Variants in SYNDIG1 observed in about 807,000 individuals in gnomAD.
SYNDIG1 encodes synapse differentiation inducing 1, also known as synapse differentiation-inducing gene protein 1.
Under a neutral mutation model 19.4 loss-of-function variants are expected in SYNDIG1, and 9 were observed. That is an observed-to-expected ratio of 0.46 (90% CI 0.28 to 0.81). SYNDIG1 has a LOEUF of 0.81. Ranked by LOEUF, SYNDIG1 falls within the 30% of genes least tolerant of loss-of-function variation. The probability of loss-of-function intolerance (pLI) is 0.12; values close to 1 mark genes in which losing one functional copy is unlikely to be tolerated. For synonymous variants in SYNDIG1, 141 were observed against 145.9 expected, an observed-to-expected ratio of 0.97 and a Z score of 0.24; for missense variants, 311 against 343.3, an observed-to-expected ratio of 0.91 and a Z score of 0.74.
intron 1 of SYNDIG1, among the ~76,000 whole-genome samples, chr20:24,488,892 G>A (rs191582285): frequency 5.3e-5 from 8 of 152,256 alleles, no homozygotes; most frequent in Admixed American, 2.6e-4. Flanking sequence ...GACACGCCTC[G>A]CTCCACAGCT....
chr20:24,585,056 G>GGCCCCCC, intron 3 of SYNDIG1, 63 bp downstream of exon 3: 4 of 545,652 alleles, frequency 7.3e-6, no homozygotes, highest in South Asian at 1.5e-5. Context: ...GGTGGGGGCG[G>GGCCCCCC]CAATCCCAGC....
intron 3 of SYNDIG1, among the ~76,000 whole-genome samples, chr20:24,643,353 C>A (rs1057434197): frequency 6.6e-5 from 10 of 152,122 alleles, no homozygotes; most frequent in Admixed American, 2.6e-4. Flanking sequence ...TGAGAAGTAA[C>A]TTTATCAGCT....
chr20:24,605,153 C>T (rs544317575), intron 3 of SYNDIG1, among the ~76,000 whole-genome samples: 14 of 152,162 alleles, frequency 9.2e-5, no homozygotes, highest in South Asian at 2.1e-4. Flanking sequence ...GATGGAGCCA[C>T]GCAGAAAGAA....
At chr20:24,580,940 C>T (rs753106737) in intron 2 of SYNDIG1, among the ~76,000 whole-genome samples, 3 of 152,166 alleles carry the variant, frequency 2.0e-5, no homozygotes, top group African/African-American at 4.8e-5. Context: ...TCCGGGTCAA[C>T]GGTTCCCCAA....
intron 1 of SYNDIG1, among the ~76,000 whole-genome samples, chr20:24,510,581 A>G (rs983453184): frequency 1.3e-5 from 2 of 151,910 alleles, no homozygotes; most frequent in Non-Finnish European, 2.9e-5. Flanking sequence ...AAAAAAAAAA[A>G]AAAAGAAAAG....
intron 1 of SYNDIG1, among the ~76,000 whole-genome samples, chr20:24,521,745 A>G (rs2057008658): frequency 6.6e-6 from 1 of 151,784 alleles, no homozygotes; most frequent in Non-Finnish European, 1.5e-5. Context: ...TAAAAATACA[A>G]AAAAATTAGC....
At chr20:24,576,619 G>C (rs772984170) in intron 2 of SYNDIG1, among the ~76,000 whole-genome samples, 1 of 152,176 alleles carries the variant, frequency 6.6e-6, no homozygotes, top group Non-Finnish European at 1.5e-5. Flanking sequence ...AGCACTTGGC[G>C]CTGACGGGAA....
intron 1 of SYNDIG1, among the ~76,000 whole-genome samples, chr20:24,522,863 G>A (rs2057034059): frequency 6.6e-6 from 1 of 152,192 alleles, no homozygotes; most frequent in African/African-American, 2.4e-5. Context: ...GCAAGAGAGA[G>A]ATGTCAGGGT....
chr20:24,552,268 C>A (rs1674019382), intron 2 of SYNDIG1, among the ~76,000 whole-genome samples: 1 of 152,096 alleles, frequency 6.6e-6, no homozygotes, highest in African/African-American at 2.4e-5. Context: ...CACAGAAAGC[C>A]AATCACTGAG....
chr20:24,617,647 C>T lies in SYNDIG1; in HGVS notation c.618+32654C>T, dbSNP rs1333763950. On this transcript the variant is annotated intron_variant, in intron 3 of 3. Transcript: ENST00000376862. ...AAAGCCCGGGGGTGCATTTTGTCCT[C>T]TGAGATTTACCACAAGGAAGCCCCC... is the stretch of plus-strand genomic sequence containing the variant. 2.6e-5 allele frequency among the ~76,000 whole-genome samples: 4 copies of T among 152,112 alleles called. No homozygotes were observed. The East Asian group carries it at 7.8e-4, about 30-fold the overall frequency.
At chr20:24,571,876 G>C (rs2058150301) in intron 2 of SYNDIG1, among the ~76,000 whole-genome samples, 1 of 152,136 alleles carries the variant, frequency 6.6e-6, no homozygotes, top group African/African-American at 2.4e-5. Context: ...ACTTACATTT[G>C]TTTTATCTGA....
intron 2 of SYNDIG1, among the ~76,000 whole-genome samples, chr20:24,575,387 C>T (rs1352564768): frequency 6.6e-6 from 1 of 152,168 alleles, no homozygotes. Flanking sequence ...TCATTTATTC[C>T]CAGAGAGTCT....
chr20:24,654,998 A>G (rs908622575), intron 3 of SYNDIG1, among the ~76,000 whole-genome samples: 5 of 152,188 alleles, frequency 3.3e-5, no homozygotes, highest in African/African-American at 9.7e-5. Flanking sequence ...CCACCCACGC[A>G]TGATGTTCCG....
At position 24,573,807 on chromosome 20, in the gene SYNDIG1, C is replaced by A. The variant is rs145538777; in HGVS notation, c.481-11049C>A. 7.1e-3 allele frequency among the ~76,000 whole-genome samples: 1,080 copies of A among 152,302 alleles called. 15 individuals carry two copies. Among genetic ancestry groups the A allele is most frequent in the African/African-American group, 0.024 (1,004 of 41,576 alleles). On this transcript the variant is annotated intron_variant, in intron 2 of 3. Transcript: ENST00000376862. ...GGTCGTGTTCCACATAGGGCTGCCC[C>A]AGGGCAGTAATGGGGGTATCCAGCA...
Position 24,584,859 on chromosome 20 carries a change from G to A in SYNDIG1, c.484G>A (p.Asp162Asn), listed in dbSNP as rs760987356. Reference protein sequence around the residue: ...EEEEFQELESDYSSDTESEDN... With the variant: ...EEEEFQELESNYSSDTESEDN... ...TCCTGCTGGTTCTCTCTTGCAGAGCGACTACTCAAGCGACACAGAGAGTGA... is the reference window on the plus strand; with the variant it reads ...TCCTGCTGGTTCTCTCTTGCAGAGCAACTACTCAAGCGACACAGAGAGTGA... The change falls in exon 3 of 4, where the codon GAC becomes AAC. Residue 162 changes from aspartate (D) to asparagine (N), a missense_variant. Coordinates refer to ENST00000376862, the MANE Select transcript of SYNDIG1 (RefSeq NM_024893.3). 26 of 1,613,994 alleles carry A rather than the reference G, an allele frequency of 1.6e-5. No individual in the cohort carries two copies. The highest frequency in any genetic ancestry group is 6.7e-5 in the African/African-American group (5 of 74,916).
chr20:24,592,677 G>A (rs1344795168), intron 3 of SYNDIG1, among the ~76,000 whole-genome samples: 2 of 152,152 alleles, frequency 1.3e-5, no homozygotes, highest in Non-Finnish European at 2.9e-5. Context: ...GCAGCGGCAC[G>A]ATCATGGCTC....
chr20:24,587,986 T>C (rs914862997), intron 3 of SYNDIG1, among the ~76,000 whole-genome samples: 10 of 152,214 alleles, frequency 6.6e-5, no homozygotes, highest in Non-Finnish European at 1.0e-4. Context: ...CAACATCTTA[T>C]GGTGGTCTGA....
At chr20:24,483,804 C>T (rs1245057288) in intron 1 of SYNDIG1, among the ~76,000 whole-genome samples, 1 of 152,110 alleles carries the variant, frequency 6.6e-6, no homozygotes, top group Non-Finnish European at 1.5e-5. Flanking sequence ...GGAAGAAGGG[C>T]ATTCAGAGGC....
At chr20:24,498,061 G>A (rs1359879587) in intron 1 of SYNDIG1, among the ~76,000 whole-genome samples, 3 of 152,166 alleles carry the variant, frequency 2.0e-5, no homozygotes, top group African/African-American at 7.2e-5. Flanking sequence ...CTCATTCCAG[G>A]GTGGTTTCCC....
Sources: gnomAD v4.1 joint callset for allele counts (sites outside exome capture counted in the v4.1 genomes callset) on GRCh38, gnomAD v4.1.1 for gene constraint, MANE v1.5 for transcripts, NCBI Gene and HGNC (gene_info 2026-07-23, HGNC 2026-07-21) for gene names.